The following ZBTB46 variants were observed in gnomAD, a reference collection of about 807,000 sequenced individuals.
ZBTB46 encodes the protein zinc finger and BTB domain containing 46.
In ZBTB46, 8 loss-of-function variants were observed where a neutral mutation model predicts 44.1. That is an observed-to-expected ratio of 0.18 (90% CI 0.11 to 0.33). The LOEUF is 0.33. ZBTB46 is among the 10% of genes least tolerant of loss of function. The pLI is 1.00. For missense variants in ZBTB46, 651 were observed against 847.7 expected (o/e 0.77, Z 2.88); for synonymous variants, 409 against 382.3 (o/e 1.07, Z -0.81).
In ZBTB46 at chr20:63,746,971, G is replaced by A. The variant is rs749859657; in HGVS notation, c.1729C>T (p.Pro577Ser). 5 of 1,599,212 alleles carry A rather than the reference G, an allele frequency of 3.1e-6. No homozygotes were observed. The East Asian group carries it at 1.1e-4, about 36-fold the overall frequency. Reference protein sequence around the residue: ...DEEDSPRPRSPPGGPDKDFAW... With the variant: ...DEEDSPRPRSSPGGPDKDFAW... ...AAGTCCTTGTCAGGGCCTCCTGGGG[G>A]GCTGCGCGGCCGCGGCGAGTCTTCC... The change falls in exon 5 of 5, where the codon CCC (proline) becomes TCC (serine). Residue 577 changes from proline to serine, a missense_variant. Pro to Ser is a moderately conservative substitution (Grantham distance 74, BLOSUM62 -1). Around this residue, in one of 5 missense-constraint regions of ZBTB46, gnomAD observed 106 missense variants for 81.0 expected, o/e 1.31. Transcript: ENST00000245663.
intron 2 of ZBTB46, among the ~76,000 whole-genome samples, chr20:63,777,413 G>C (rs13042230): frequency 0.01 from 1,569 of 152,302 alleles, 13 homozygotes; most frequent in Non-Finnish European, 0.016. Context: ...GCTGTGGTGA[G>C]CTGTGATCGA....
chr20:63,817,100 A>C (rs1367478590), intron 1 of ZBTB46, among the ~76,000 whole-genome samples: 2 of 149,034 alleles, frequency 1.3e-5, no homozygotes, highest in Non-Finnish European at 3.0e-5. Context: ...AGCGAAACTC[A>C]GTCTCAAAAA....
chr20:63,759,625 G>T (rs1472547777), intron 3 of ZBTB46, among the ~76,000 whole-genome samples: 3 of 152,166 alleles, frequency 2.0e-5, no homozygotes, highest in Admixed American at 1.3e-4. Flanking sequence ...CATTAGGAAG[G>T]CAAGAGCTCT....
chr20:63,756,499 T>C (rs1477878025), intron 3 of ZBTB46, among the ~76,000 whole-genome samples: 1 of 152,090 alleles, frequency 6.6e-6, no homozygotes, highest in Non-Finnish European at 1.5e-5. Flanking sequence ...TGTTTACAAA[T>C]GTATTAGGCT....
chr20:63,812,162 AT>A (rs1426245964), intron 1 of ZBTB46, among the ~76,000 whole-genome samples: 1 of 152,256 alleles, frequency 6.6e-6, no homozygotes, highest in African/African-American at 2.4e-5. Context: ...CTACATTTGC[AT>A]TTTTAGTAAA....
intron 3 of ZBTB46, among the ~76,000 whole-genome samples, chr20:63,758,725 G>A (rs913673792): frequency 7.8e-6 from 1 of 128,458 alleles, no homozygotes; most frequent in Non-Finnish European, 1.6e-5. Flanking sequence ...AACTTAAGGA[G>A]AGTCACATCT....
chr20:63,831,776 C>T (rs1460667607), upstream of ZBTB46, among the ~76,000 whole-genome samples: 1 of 151,174 alleles, frequency 6.6e-6, no homozygotes, highest in Non-Finnish European at 1.5e-5. Flanking sequence ...CCCAGGTCAC[C>T]GGCCGTCCCC....
intron 3 of ZBTB46, among the ~76,000 whole-genome samples, chr20:63,763,315 G>A (rs1015469726): frequency 2.0e-5 from 3 of 151,794 alleles, no homozygotes; most frequent in Non-Finnish European, 2.9e-5. Context: ...AATTAATCAC[G>A]TATTGTATCG....
intron 1 of ZBTB46, among the ~76,000 whole-genome samples, chr20:63,822,368 A>C (rs1260136572): frequency 6.6e-6 from 1 of 152,204 alleles, no homozygotes; most frequent in Non-Finnish European, 1.5e-5. Context: ...CGGGCCCCCA[A>C]TGAGAAAAGC....
rs944738567 is a variant in ZBTB46 at position 63,831,181 on chromosome 20, C to G, written c.-118G>C. The G allele has an allele frequency of 1.4e-5, 2 of 143,030 alleles. No homozygotes were observed. The highest frequency in any genetic ancestry group is 2.5e-5 in the African/African-American group (1 of 39,840). The allele number at this position is 143,030 out of a possible 1,614,324, so 8.9% of individuals were successfully genotyped here. A position where few individuals can be genotyped will look rare whatever the true frequency, so the allele number is the denominator to read the frequency against. On this transcript the variant is annotated 5_prime_UTR_variant, in exon 1 of 5. Coordinates refer to ENST00000245663, the MANE Select transcript of ZBTB46 (RefSeq NM_001369741.1). The stretch of plus-strand genomic sequence containing the variant: ...GATCGCCGCCGCCGCCGGGAGGGCG[C>G]TGCGTCCGGGCGGGTCCGAGCTGCG...
Position 63,749,406 on chromosome 20 carries a change from G to A in ZBTB46, c.1399-2105C>T, listed in dbSNP as rs541310769. On this transcript the variant is annotated intron_variant, in intron 4 of 4. Coordinates refer to ENST00000245663, the MANE Select transcript of ZBTB46 (RefSeq NM_001369741.1). Reference sequence around the variant, plus strand: ...GGCTGGAGTGTAGTGTTGCCATCTCGGCTCACTGCCAGCTCCGCCTCCCGG... The same window carrying A: ...GGCTGGAGTGTAGTGTTGCCATCTCAGCTCACTGCCAGCTCCGCCTCCCGG... Among the ~76,000 whole-genome samples, 11 of 152,138 alleles carry A rather than the reference G, an allele frequency of 7.2e-5. No individual in the cohort carries two copies. In the South Asian group the frequency reaches 1.5e-3, roughly 20 times the overall value.
At chr20:63,751,058 C>T (rs1374424478) in intron 4 of ZBTB46, among the ~76,000 whole-genome samples, 2 of 152,228 alleles carry the variant, frequency 1.3e-5, no homozygotes, top group Non-Finnish European at 2.9e-5. Context: ...GTGTTAGCAC[C>T]TATCAGTTTA....
chr20:63,818,150 T>C (rs1452020834), intron 1 of ZBTB46, among the ~76,000 whole-genome samples: 1 of 152,168 alleles, frequency 6.6e-6, no homozygotes, highest in Non-Finnish European at 1.5e-5. Context: ...AGTTTTGAGG[T>C]ACACTGCAAG....
intron 3 of ZBTB46, among the ~76,000 whole-genome samples, chr20:63,763,150 G>A (rs2092291554): frequency 6.6e-6 from 1 of 152,154 alleles, no homozygotes; most frequent in African/African-American, 2.4e-5. Context: ...GTGAGCCACT[G>A]TACCCAGCCA....
rs113235177 is a variant in ZBTB46, at chr20:63,765,040, C to T, written c.1222+10638G>A. On this transcript the variant is annotated intron_variant, in intron 3 of 4. Transcript: ENST00000245663. The stretch of plus-strand genomic sequence containing the variant: ...TTCAAGTGATTCTTGTGTGTGTGTG[C>T]GTGCGTGTGTGTGTATGTTTGTATG... 2.1e-4 allele frequency among the ~76,000 whole-genome samples: 10 copies of T among 47,592 alleles called. No individual in the cohort carries two copies. In the South Asian group the frequency reaches 4.1e-3, roughly 19 times the overall value. 31.2% of individuals were successfully genotyped at this position (47,592 alleles called of 152,430 possible).
chr20:63,798,674 C>CAACAAAAAAA (rs2092621187), intron 1 of ZBTB46, among the ~76,000 whole-genome samples: 1 of 18,740 alleles, frequency 5.3e-5, no homozygotes, highest in Non-Finnish European at 8.1e-5. Flanking sequence ...GACTCTGTCT[C>CAACAAAAAAA]AAAAAAAAAA....
chr20:63,818,191 G>A (rs908236000), intron 1 of ZBTB46, among the ~76,000 whole-genome samples: 2 of 152,216 alleles, frequency 1.3e-5, no homozygotes, highest in Non-Finnish European at 2.9e-5. Context: ...CAAGGGCGCT[G>A]GGGTGAGAGC....
rs1051903940 is a variant in ZBTB46, at chr20:63,790,264, C to T, written c.494G>A (p.Arg165Lys). The change falls in exon 2 of 5, where the codon AGG becomes AAG. Residue 165 changes from arginine to lysine, a missense_variant. Arg to Lys is a conservative substitution (Grantham distance 26). Coordinates refer to ENST00000245663, the MANE Select transcript of ZBTB46 (RefSeq NM_001369741.1). ...CCGTGCCAGCCACGGGGAGATGCTC[C>T]TCCCAGCCATCACGGCCGAGATGAG... ...EALISAVMAGRSISPWLARRT... is the reference protein window; with the variant it reads ...EALISAVMAGKSISPWLARRT... The T allele has an allele frequency of 6.2e-7, 1 of 1,612,232 alleles. No homozygotes were observed. Among genetic ancestry groups the T allele is most frequent in the Non-Finnish European group, 8.5e-7 (1 of 1,179,624 alleles).
chr20:63,826,649 C>T (rs1348233400), intron 1 of ZBTB46, among the ~76,000 whole-genome samples: 4 of 152,164 alleles, frequency 2.6e-5, no homozygotes, highest in African/African-American at 9.7e-5. Context: ...GGGGTGAACC[C>T]GGAAGGTGGA....
Sources: allele counts gnomAD v4.1 joint callset (sites outside exome capture counted in the v4.1 genomes callset), GRCh38; gene constraint gnomAD v4.1.1; regional missense constraint gnomAD v4.1.1; transcripts MANE v1.5; gene names NCBI Gene and HGNC (gene_info 2026-07-23, HGNC 2026-07-21).